Variants in C1QTNF3 observed in about 807,000 individuals in gnomAD.
C1QTNF3 encodes complement C1q tumor necrosis factor-related protein 3.
A neutral mutation model predicts 32.6 loss-of-function variants in C1QTNF3; 26 were observed. The ratio of observed to expected loss-of-function variants is 0.80; its 90% CI spans 0.58 to 1.11. The LOEUF is 1.11. Ranked by LOEUF, C1QTNF3 falls within the 50% of genes least tolerant of loss-of-function variation. The pLI, the probability that C1QTNF3 is intolerant of heterozygous loss-of-function variation, is 0.00. For synonymous variants in C1QTNF3, 155 were observed against 146.0 expected (o/e 1.06, Z -0.44); for missense variants, 362 against 398.2 (o/e 0.91, Z 0.77).
At chr5:34,241,618 A>T in the C1QTNF3 span, among the ~76,000 whole-genome samples, 2 of 151,884 alleles carry the variant, frequency 1.3e-5, no homozygotes, top group African/African-American at 4.8e-5. Flanking sequence ...GAATTACAAA[A>T]CACAGCTGAA....
chr5:34,196,660 A>ATTT, the C1QTNF3 span, among the ~76,000 whole-genome samples: 70,674 of 140,270 alleles, frequency 0.5, 15,001 homozygotes, highest in Non-Finnish European at 0.62. Context: ...TTAATTTTTA[A>ATTT]TTTTTTTTTT....
chr5:34,128,875 G>A, the C1QTNF3 span, among the ~76,000 whole-genome samples: 1 of 152,146 alleles, frequency 6.6e-6, no homozygotes, highest in Non-Finnish European at 1.5e-5. Flanking sequence ...AAGACTTTGG[G>A]GAACTCTTGG....
the C1QTNF3 span, among the ~76,000 whole-genome samples, chr5:34,137,346 C>G: frequency 5.3e-5 from 8 of 152,112 alleles, no homozygotes; most frequent in Admixed American, 5.2e-4. Context: ...GTCCTGATTC[C>G]AAAAGCTTCA....
the C1QTNF3 span, among the ~76,000 whole-genome samples, chr5:34,197,597 A>C: frequency 6.6e-6 from 1 of 152,146 alleles, no homozygotes; most frequent in African/African-American, 2.4e-5. Context: ...AATTTATAGA[A>C]GTCAGGGAAA....
chr5:34,210,579 A>C, the C1QTNF3 span, among the ~76,000 whole-genome samples: 1 of 151,746 alleles, frequency 6.6e-6, no homozygotes, highest in African/African-American at 2.4e-5. Flanking sequence ...GCTAGTAAAG[A>C]TATATAAATC....
At chr5:34,198,219 G>A in the C1QTNF3 span, among the ~76,000 whole-genome samples, 1 of 143,978 alleles carries the variant, frequency 6.9e-6, no homozygotes, top group Non-Finnish European at 1.5e-5. Context: ...TCCAGCCTGG[G>A]TAACAGAGCA....
chr5:34,141,138 T>A, the C1QTNF3 span, among the ~76,000 whole-genome samples: 1 of 151,872 alleles, frequency 6.6e-6, no homozygotes, highest in Non-Finnish European at 1.5e-5. Context: ...TTTTTTTTTT[T>A]AAATTGAGTC....
At chr5:34,168,284 CGTGTGTGT>C in the C1QTNF3 span, 2 of 136,736 alleles carry the variant, frequency 1.5e-5, no homozygotes, top group African/African-American at 2.6e-5. Flanking sequence ...TGTGTGCATG[CGTGTGTGT>C]GTGTGTGTGT....
At chr5:34,085,288 C>A in the C1QTNF3 span, among the ~76,000 whole-genome samples, 169 of 150,474 alleles carry the variant, frequency 1.1e-3, 3 homozygotes, top group Middle Eastern at 0.01. Context: ...AGCCACCATG[C>A]CCGGCCACAT....
chr5:34,121,303 ATCATATTAGT>A, the C1QTNF3 span, among the ~76,000 whole-genome samples: 5 of 152,158 alleles, frequency 3.3e-5, no homozygotes, highest in African/African-American at 1.2e-4. Context: ...CAAATAACTC[ATCATATTAGT>A]CCATTTTCAT....
chr5:34,153,832 T>C, the C1QTNF3 span, among the ~76,000 whole-genome samples: 1 of 98,870 alleles, frequency 1.0e-5, no homozygotes, highest in Non-Finnish European at 2.0e-5. Context: ...AATGTGCACA[T>C]GTACCCTAAA....
chr5:34,141,279 C>A, the C1QTNF3 span, among the ~76,000 whole-genome samples: 1 of 151,858 alleles, frequency 6.6e-6, no homozygotes, highest in Non-Finnish European at 1.5e-5. Context: ...CCACCAGGCC[C>A]GGCTAATTTT....
intron 1 of C1QTNF3, among the ~76,000 whole-genome samples, chr5:34,036,599 C>G (rs1214081130): frequency 6.6e-6 from 1 of 152,158 alleles, no homozygotes; most frequent in Non-Finnish European, 1.5e-5. Flanking sequence ...ACAACTTTAA[C>G]TTTATCAGTA....
the C1QTNF3 span, among the ~76,000 whole-genome samples, chr5:34,222,168 A>C: frequency 6.6e-6 from 1 of 151,918 alleles, no homozygotes; most frequent in African/African-American, 2.4e-5. Context: ...GGGAAAAAAA[A>C]CTCTAGAAAT....
chr5:34,226,546 A>G, the C1QTNF3 span, among the ~76,000 whole-genome samples: 1 of 151,358 alleles, frequency 6.6e-6, no homozygotes, highest in Non-Finnish European at 1.5e-5. Context: ...CCTTCCCACC[A>G]TTTAATATGT....
chr5:34,036,609 A>T (rs1259918888), intron 1 of C1QTNF3, among the ~76,000 whole-genome samples: 1 of 152,240 alleles, frequency 6.6e-6, no homozygotes, highest in Non-Finnish European at 1.5e-5. Context: ...CTTTATCAGT[A>T]AATCAACTAT....
the C1QTNF3 span, among the ~76,000 whole-genome samples, chr5:34,230,505 G>A: frequency 6.6e-6 from 1 of 151,894 alleles, no homozygotes; most frequent in Admixed American, 6.6e-5. Flanking sequence ...AAATAAAAAA[G>A]TAAAACAAAA....
chr5:34,155,211 A>T, the C1QTNF3 span, among the ~76,000 whole-genome samples: 1 of 152,338 alleles, frequency 6.6e-6, no homozygotes, highest in South Asian at 2.1e-4. Context: ...CTGTGTAATA[A>T]CAATGGATTG....
At chr5:34,128,745 A>G in the C1QTNF3 span, among the ~76,000 whole-genome samples, 2 of 152,170 alleles carry the variant, frequency 1.3e-5, no homozygotes. Context: ...TTATCTACCC[A>G]ATGCCTGTAA....
Sources: allele counts gnomAD v4.1 joint callset (sites outside exome capture counted in the v4.1 genomes callset), GRCh38; gene constraint gnomAD v4.1.1; transcripts MANE v1.5; gene names NCBI Gene and HGNC (gene_info 2026-07-23, HGNC 2026-07-21).